Variants in DCBLD2 observed in about 807,000 individuals in gnomAD.
DCBLD2 encodes the protein discoidin, CUB and LCCL domain containing 2.
Under a neutral mutation model 86.8 loss-of-function variants are expected in DCBLD2, and 54 were observed. The observed-to-expected ratio is 0.62, with a 90% CI of 0.50 to 0.78. The LOEUF (loss-of-function observed/expected upper bound fraction) is 0.78. DCBLD2 is among the 30% of genes least tolerant of loss of function. The pLI is 0.00. For missense variants in DCBLD2, 908 were observed against 954.2 expected (o/e 0.95, Z 0.64); for synonymous variants, 354 against 341.3 (o/e 1.04, Z -0.41).
intron 2 of DCBLD2, among the ~76,000 whole-genome samples, chr3:98,858,309 C>T (rs1161910019): frequency 6.6e-6 from 1 of 152,246 alleles, no homozygotes; most frequent in African/African-American, 2.4e-5. Flanking sequence ...GCCTCTCCCT[C>T]CACACCTACC....
Position 98,799,501 on chromosome 3 carries a change from A to G in DCBLD2, c.2199T>C (p.Asp733=), listed in dbSNP as rs757109834. The G allele has an allele frequency of 1.9e-6, 3 of 1,613,994 alleles. No individual in the cohort carries two copies. Among genetic ancestry groups the G allele is most frequent in the African/African-American group, 1.3e-5 (1 of 75,038 alleles). The change falls in exon 16 of 16, where the codon GAT becomes GAC. Residue 733 remains aspartate, a synonymous_variant. Transcript: ENST00000326840. ...GACCTGGCTTCCCAGCTTTCGGGGT[A>G]TCATACTGGGCCTGGGCTGAGGAGC... ...DSCSSAQAQY[D]TPKAGKPGLP...
At chr3:98,809,972 A>T (rs552073707) in intron 12 of DCBLD2, among the ~76,000 whole-genome samples, 1 of 152,302 alleles carries the variant, frequency 6.6e-6, no homozygotes, top group African/African-American at 2.4e-5. Context: ...GAGGCTTTAA[A>T]ACATCTTCTT....
chr3:98,825,280 A>C (rs1576165306), intron 4 of DCBLD2, 35 bp downstream of exon 4: 2 of 56,350 alleles, frequency 3.5e-5, no homozygotes, highest in Admixed American at 4.1e-4. Context: ...ACATTTAAGC[A>C]AAAAAAAAAA....
intron 2 of DCBLD2, among the ~76,000 whole-genome samples, chr3:98,863,699 T>C (rs575099688): frequency 7.6e-4 from 116 of 152,306 alleles, no homozygotes; most frequent in Non-Finnish European, 1.2e-4. Context: ...TTACACCTTA[T>C]ACAAAAATTA....
intron 3 of DCBLD2, among the ~76,000 whole-genome samples, chr3:98,840,542 G>C (rs540907396): frequency 6.6e-6 from 1 of 152,268 alleles, no homozygotes; most frequent in South Asian, 2.1e-4. Context: ...TGTCACCGAG[G>C]CTAGAGTGCA....
rs1002850237 is a variant in DCBLD2 at position 98,798,082 on chromosome 3, G to A, written c.*1290C>T. The A allele has an allele frequency of 5.3e-5, 8 of 152,166 alleles. No homozygotes were observed. The highest frequency in any genetic ancestry group is 1.7e-4 in the African/African-American group (7 of 41,444). The allele number at this position is 152,166 out of a possible 1,614,324, so 9.4% of individuals were successfully genotyped here. A position where few individuals can be genotyped will look rare whatever the true frequency, so the allele number is the denominator to read the frequency against. ...CTCTGGGCAGGTATGAACAAGTGGTGACATGGAAGCTGCCAGGAGGTATCA... is the reference window on the plus strand; with the variant it reads ...CTCTGGGCAGGTATGAACAAGTGGTAACATGGAAGCTGCCAGGAGGTATCA... On this transcript the variant is annotated 3_prime_UTR_variant, in exon 16 of 16. Transcript: ENST00000326840.
intron 10 of DCBLD2, 84 bp downstream of exon 10, chr3:98,812,248 A>C (rs1941952197): frequency 5.9e-6 from 9 of 1,521,964 alleles, no homozygotes; most frequent in Non-Finnish European, 8.0e-6. Context: ...CACTCACATT[A>C]TTAATTACTC....
At chr3:98,823,868 C>A (rs1942167286) in intron 4 of DCBLD2, among the ~76,000 whole-genome samples, 1 of 152,086 alleles carries the variant, frequency 6.6e-6, no homozygotes, top group African/African-American at 2.4e-5. Flanking sequence ...GGAGTCCATG[C>A]TCTTATGCAG....
chr3:98,855,480 G>A (rs902094612), intron 2 of DCBLD2, among the ~76,000 whole-genome samples: 7 of 152,078 alleles, frequency 4.6e-5, no homozygotes, highest in African/African-American at 1.7e-4. Flanking sequence ...GTGTACTTAC[G>A]TACATCTTCA....
At chr3:98,858,021 G>A (rs1451342866) in intron 2 of DCBLD2, among the ~76,000 whole-genome samples, 4 of 152,260 alleles carry the variant, frequency 2.6e-5, no homozygotes, top group Admixed American at 1.3e-4. Flanking sequence ...CATGGAGCAG[G>A]GGGCGGTGCT....
intron 2 of DCBLD2, among the ~76,000 whole-genome samples, chr3:98,880,289 T>A (rs1943442574): frequency 6.6e-6 from 1 of 152,194 alleles, no homozygotes; most frequent in Admixed American, 6.5e-5. Flanking sequence ...GTATGGTATT[T>A]AAAGAACAGT....
At chr3:98,822,106 A>C (rs764350190) in intron 6 of DCBLD2, 122 bp downstream of exon 6, 19 of 1,226,910 alleles carry the variant, frequency 1.5e-5, no homozygotes, top group Non-Finnish European at 2.3e-5. Context: ...TTACTGCCTA[A>C]ATGTTCTTTC....
At chr3:98,858,104 G>A (rs1186200685) in intron 2 of DCBLD2, among the ~76,000 whole-genome samples, 3 of 152,220 alleles carry the variant, frequency 2.0e-5, no homozygotes, top group South Asian at 4.1e-4. Context: ...TGCAGGTCCC[G>A]AGCCCTGCCC....
intron 8 of DCBLD2, among the ~76,000 whole-genome samples, 188 bp from the exon 9 acceptor site, chr3:98,818,081 G>A (rs1942056127): frequency 6.6e-6 from 1 of 152,184 alleles, no homozygotes; most frequent in South Asian, 2.1e-4. Context: ...GGAGAGAGAG[G>A]AAGGATTATG....
intron 8 of DCBLD2, among the ~76,000 whole-genome samples, chr3:98,818,600 T>G (rs889982719): frequency 3.9e-5 from 6 of 152,114 alleles, no homozygotes. Flanking sequence ...AACATTTGAG[T>G]CAGTGGACTA....
intron 3 of DCBLD2, among the ~76,000 whole-genome samples, chr3:98,836,509 C>T (rs559112261): frequency 5.7e-5 from 8 of 140,710 alleles, no homozygotes; most frequent in East Asian, 2.1e-4. Flanking sequence ...ACACAGACAC[C>T]GCAACCATCC....
At chr3:98,898,127 TAATA>T (rs1193170636) in intron 1 of DCBLD2, among the ~76,000 whole-genome samples, 1 of 151,974 alleles carries the variant, frequency 6.6e-6, no homozygotes, top group Non-Finnish European at 1.5e-5. Flanking sequence ...AACATCAACA[TAATA>T]AATAGAGGTA....
At chr3:98,804,344 G>T (rs534123996) in intron 13 of DCBLD2, among the ~76,000 whole-genome samples, 389 of 142,482 alleles carry the variant, frequency 2.7e-3, no homozygotes, top group African/African-American at 9.7e-3. Flanking sequence ...AGAGGTGTTT[G>T]TAGTATTCTC....
chr3:98,864,414 T>C (rs929061734), intron 2 of DCBLD2, among the ~76,000 whole-genome samples: 1 of 152,202 alleles, frequency 6.6e-6, no homozygotes, highest in Non-Finnish European at 1.5e-5. Flanking sequence ...TGTATGTTTA[T>C]TGTGGCACTA....
Sources: allele counts gnomAD v4.1 joint callset (sites outside exome capture counted in the v4.1 genomes callset), GRCh38; gene constraint gnomAD v4.1.1; transcripts MANE v1.5; gene names NCBI Gene and HGNC (gene_info 2026-07-23, HGNC 2026-07-21).